Variants in HLCS observed in about 807,000 individuals in gnomAD.
HLCS encodes holocarboxylase synthetase, also known as biotin--protein ligase.
Under a neutral mutation model 75.0 loss-of-function variants are expected in HLCS, and 53 were observed. The ratio of observed to expected loss-of-function variants is 0.71; its 90% confidence interval spans 0.57 to 0.89. The LOEUF (loss-of-function observed/expected upper bound fraction) is 0.89, where lower values mean the gene tolerates loss of function less well. Ranked by LOEUF, HLCS falls within the 40% of genes least tolerant of loss-of-function variation. HLCS has a pLI of 0.00. For missense variants in HLCS, 966 were observed against 1,074.0 expected (o/e 0.90, Z 1.41); for synonymous variants, 431 against 428.6 (o/e 1.01, Z -0.07).
rs745584892 is a variant in HLCS at position 36,754,234 on chromosome 21, G to A, written c.*12C>T. 11 of 1,612,858 alleles carry A rather than the reference G, an allele frequency of 6.8e-6. No homozygotes were observed. In the African/African-American group the frequency reaches 1.1e-4, roughly 16 times the overall value. ...GCACGGACAGGCAGCCGCGTCTCGG[G>A]GACGCCCGGCATTACCGCCGTTTGG... On this transcript the variant is annotated 3_prime_UTR_variant, in exon 11 of 11. Transcript: ENST00000674895.
Position 36,913,483 on chromosome 21 carries a change from G to A in HLCS, c.1621-16352C>T, listed in dbSNP as rs537968570. Among the ~76,000 whole-genome samples, 137 of 152,172 alleles carry A rather than the reference G, an allele frequency of 9.0e-4. 1 individual carries two copies. Among genetic ancestry groups the A allele is most frequent in the Non-Finnish European group, 1.3e-3 (88 of 67,986 alleles). ...TTGATAAGAAAAACTTCAATTTGGCGGGGTGTGGTGGCTCACGCTGTAATC... is the reference window on the plus strand; with the variant it reads ...TTGATAAGAAAAACTTCAATTTGGCAGGGTGTGGTGGCTCACGCTGTAATC... On this transcript the variant is annotated intron_variant, in intron 5 of 10. Transcript: ENST00000674895.
intron 6 of HLCS, among the ~76,000 whole-genome samples, chr21:36,864,453 T>C (rs2063488744): frequency 6.6e-6 from 1 of 152,080 alleles, no homozygotes; most frequent in Non-Finnish European, 1.5e-5. Context: ...TTGCATTCCC[T>C]TTCCTCCTTC....
intron 6 of HLCS, among the ~76,000 whole-genome samples, chr21:36,794,075 C>T (rs2060954253): frequency 6.6e-6 from 1 of 152,232 alleles, no homozygotes; most frequent in African/African-American, 2.4e-5. Flanking sequence ...CTCATTCTGG[C>T]CTCCCTGCCG....
At chr21:36,876,576 G>A (rs1381613580) in intron 6 of HLCS, among the ~76,000 whole-genome samples, 1 of 152,068 alleles carries the variant, frequency 6.6e-6, no homozygotes, top group Non-Finnish European at 1.5e-5. Flanking sequence ...ATCCATTTTT[G>A]TTATTGATTT....
chr21:36,825,925 CAGTAA>C (rs1454723541), intron 6 of HLCS, among the ~76,000 whole-genome samples: 1 of 152,134 alleles, frequency 6.6e-6, no homozygotes, highest in Non-Finnish European at 1.5e-5. Context: ...AGAGTGGGGA[CAGTAA>C]AGGGCGGGAC....
At chr21:36,833,361 G>A (rs1206034844) in intron 6 of HLCS, among the ~76,000 whole-genome samples, 2 of 150,564 alleles carry the variant, frequency 1.3e-5, no homozygotes, top group Non-Finnish European at 3.0e-5. Flanking sequence ...AAGGTGGGTG[G>A]ATCACTTGAG....
At chr21:36,948,720 C>A (rs1203365734) in intron 2 of HLCS, among the ~76,000 whole-genome samples, 1 of 97,512 alleles carries the variant, frequency 1.0e-5, no homozygotes, top group Non-Finnish European at 1.9e-5. Context: ...CAGAATGAGA[C>A]CCTGTCTCAA....
In HLCS at chr21:36,871,178, T is replaced by C. The variant is rs893461037; in HGVS notation, c.1892+25682A>G. The stretch of plus-strand genomic sequence containing the variant: ...GTGAGAAATGAAAACTTTATGTGCA[T>C]ACAAATTTAGATTTTTAAAATATTT... On this transcript the variant is annotated intron_variant, in intron 6 of 10. Coordinates refer to ENST00000674895, the MANE Select transcript of HLCS (RefSeq NM_001352514.2). Among the ~76,000 whole-genome samples, 3 of 152,270 alleles carry C rather than the reference T, an allele frequency of 2.0e-5. No homozygotes were observed. The South Asian group carries it at 6.2e-4, about 32-fold the overall frequency.
At chr21:36,825,049 A>G (rs752480503) in intron 6 of HLCS, among the ~76,000 whole-genome samples, 3 of 152,184 alleles carry the variant, frequency 2.0e-5, no homozygotes, top group Non-Finnish European at 4.4e-5. Flanking sequence ...AATCACAAGA[A>G]TTAGAAATTA....
At chr21:36,934,886 G>A (rs1276717255) in intron 4 of HLCS, among the ~76,000 whole-genome samples, 4 of 152,182 alleles carry the variant, frequency 2.6e-5, no homozygotes, top group African/African-American at 9.7e-5. Context: ...CAGAAGACTG[G>A]AAGTCATTTA....
intron 6 of HLCS, among the ~76,000 whole-genome samples, chr21:36,818,647 C>T (rs1171745740): frequency 6.6e-6 from 1 of 152,178 alleles, no homozygotes; most frequent in African/African-American, 2.4e-5. Context: ...GCATTAGCCA[C>T]ACAACGGTGT....
At chr21:36,945,220 G>GTT (rs1050000575) in intron 2 of HLCS, among the ~76,000 whole-genome samples, 1 of 149,594 alleles carries the variant, frequency 6.7e-6, no homozygotes, top group African/African-American at 2.5e-5. Context: ...TTTTTTTTTG[G>GTT]TTTTTTTTTG....
intron 2 of HLCS, chr21:36,947,290 C>A (rs1295140495): frequency 2.2e-6 from 2 of 919,248 alleles, no homozygotes; most frequent in Non-Finnish European, 2.6e-6. Context: ...TACATCCACA[C>A]ATCCCGGATC....
chr21:36,827,285 G>T (rs1273722759), intron 6 of HLCS, among the ~76,000 whole-genome samples: 1 of 152,172 alleles, frequency 6.6e-6, no homozygotes, highest in East Asian at 1.9e-4. Flanking sequence ...CTGCTGAGCT[G>T]AGGCCGGGCA....
At chr21:36,853,592 TTAAC>T (rs1174523315) in intron 6 of HLCS, among the ~76,000 whole-genome samples, 5 of 152,216 alleles carry the variant, frequency 3.3e-5, no homozygotes, top group Non-Finnish European at 7.3e-5. Context: ...CTAAATGTCT[TTAAC>T]TAAAGCACTA....
chr21:36,970,688 C>T (rs576612736), upstream of HLCS, among the ~76,000 whole-genome samples: 57 of 151,656 alleles, frequency 3.8e-4, no homozygotes, highest in South Asian at 4.0e-3. Flanking sequence ...TTCTAAGAAC[C>T]AAGGAACTAT....
intron 6 of HLCS, among the ~76,000 whole-genome samples, chr21:36,818,496 G>A (rs2061729332): frequency 6.6e-6 from 1 of 152,164 alleles, no homozygotes; most frequent in African/African-American, 2.4e-5. Flanking sequence ...TGTGACACCT[G>A]CAGCCAAAAT....
In HLCS at chr21:36,750,741, G is replaced by A. The variant is rs2089339886; in HGVS notation, c.*3505C>T. 1 of 150,632 alleles carries A rather than the reference G, an allele frequency of 6.6e-6. No homozygotes were observed. The highest frequency in any genetic ancestry group is 2.5e-5 in the African/African-American group (1 of 40,804). 9.3% of individuals were successfully genotyped at this position (150,632 alleles called of 1,614,324 possible). A position where few individuals can be genotyped will look rare whatever the true frequency, so the allele number is the denominator to read the frequency against. ...AATTTTAGTGAATCATGGCCCTTGT[G>A]TTATCTAGAATGCTAATTATTCAAG... On this transcript the variant is annotated 3_prime_UTR_variant, in exon 11 of 11. Transcript: ENST00000674895.
intron 6 of HLCS, among the ~76,000 whole-genome samples, chr21:36,769,815 G>A (rs2090169153): frequency 6.6e-6 from 1 of 151,972 alleles, no homozygotes; most frequent in Admixed American, 6.5e-5. Context: ...TTAAGATTAA[G>A]CTTTAATGAT....
Sources: gnomAD v4.1 joint callset for allele counts (sites outside exome capture counted in the v4.1 genomes callset) on GRCh38, gnomAD v4.1.1 for gene constraint, MANE v1.5 for transcripts, NCBI Gene and HGNC (gene_info 2026-07-23, HGNC 2026-07-21) for gene names.